Variants in SOX6 observed in about 807,000 individuals in gnomAD.
SOX6 encodes transcription factor SOX-6.
Under a neutral mutation model 97.8 loss-of-function variants are expected in SOX6, and 11 were observed. That is an observed-to-expected ratio of 0.11 (90% confidence interval 0.07 to 0.19). The LOEUF (loss-of-function observed/expected upper bound fraction) is 0.19, where lower values mean the gene tolerates loss of function less well. SOX6 is among the 10% of genes least tolerant of loss of function. The pLI, the probability that SOX6 is intolerant of heterozygous loss-of-function variation, is 1.00. For missense variants in SOX6, 810 were observed against 1,039.5 expected (o/e 0.78, Z 3.04); for synonymous variants, 360 against 371.4 (o/e 0.97, Z 0.35).
intron 4 of SOX6, among the ~76,000 whole-genome samples, chr11:16,216,116 A>G (rs1180566427): frequency 1.3e-5 from 2 of 152,166 alleles, no homozygotes; most frequent in East Asian, 1.9e-4. Context: ...TGCCCATCTC[A>G]TGGCACTGGT....
At chr11:16,365,209 G>A (rs12278205) in intron 1 of SOX6, among the ~76,000 whole-genome samples, 2,355 of 151,866 alleles carry the variant, frequency 0.016, 52 homozygotes, top group African/African-American at 0.054. Flanking sequence ...GTACGGATAG[G>A]GTTCAGTACT....
intron 13 of SOX6, among the ~76,000 whole-genome samples, chr11:16,000,264 A>G (rs1319607214): frequency 2.0e-5 from 3 of 152,218 alleles, no homozygotes; most frequent in Non-Finnish European, 4.4e-5. Flanking sequence ...TCCATGGCGG[A>G]GCAAGAGCCT....
intron 1 of SOX6, among the ~76,000 whole-genome samples, chr11:16,431,029 AG>A (rs1217700472): frequency 6.6e-6 from 1 of 152,108 alleles, no homozygotes; most frequent in Non-Finnish European, 1.5e-5. Context: ...AAGTTCATCA[AG>A]TTCACTCCTC....
intron 3 of SOX6, among the ~76,000 whole-genome samples, chr11:16,616,467 A>G (rs1217326873): frequency 6.6e-6 from 1 of 152,042 alleles, no homozygotes; most frequent in Non-Finnish European, 1.5e-5. Flanking sequence ...TTCTAAATAC[A>G]GGATTTCTTT....
At chr11:16,481,721 T>G (rs1222626530) in intron 4 of SOX6, among the ~76,000 whole-genome samples, 1 of 152,208 alleles carries the variant, frequency 6.6e-6, no homozygotes, top group Non-Finnish European at 1.5e-5. Flanking sequence ...GTGGTTGGAA[T>G]GAACTTGGAG....
chr11:16,498,024 C>T (rs1291486652), intron 4 of SOX6, among the ~76,000 whole-genome samples: 16 of 152,182 alleles, frequency 1.1e-4, no homozygotes. Flanking sequence ...GTCAGATTCA[C>T]CAAAGTTGAA....
chr11:16,080,623 T>C (rs186616231), intron 9 of SOX6, among the ~76,000 whole-genome samples: 5 of 152,358 alleles, frequency 3.3e-5, no homozygotes, highest in Admixed American at 3.3e-4. Flanking sequence ...TTATTTAATT[T>C]AGCAAAAATA....
At chr11:16,522,779 A>G (rs1861089398) in intron 4 of SOX6, among the ~76,000 whole-genome samples, 1 of 152,168 alleles carries the variant, frequency 6.6e-6, no homozygotes, top group South Asian at 2.1e-4. Context: ...TAAAAGGATG[A>G]AGGAAGATCT....
Position 16,198,025 on chromosome 11 carries a change from CTGTTGTTGT to C in SOX6, c.536-11079_536-11071del, listed in dbSNP as rs66685848. ...TTAGAAAAGCTTAATTCAAGATTTC[CTGTTGTTGT>C]TGTTGTTGTTGTTGTTGTTGTTGTT... On this transcript the variant is annotated intron_variant, in intron 4 of 15. Coordinates refer to ENST00000683767, the MANE Select transcript of SOX6 (RefSeq NM_001367873.1). Among the ~76,000 whole-genome samples, 198 of 149,956 alleles carry C rather than the reference CTGTTGTTGT, an allele frequency of 1.3e-3. 1 individual carries two copies. The highest frequency in any genetic ancestry group is 1.8e-3 in the African/African-American group (74 of 40,792).
intron 1 of SOX6, among the ~76,000 whole-genome samples, chr11:16,439,145 A>G (rs1859449253): frequency 6.6e-6 from 1 of 152,190 alleles, no homozygotes; most frequent in South Asian, 2.1e-4. Flanking sequence ...TGGCCAACAG[A>G]AAAACTATGG....
intron 3 of SOX6, among the ~76,000 whole-genome samples, chr11:16,708,758 G>A (rs977725600): frequency 6.6e-6 from 1 of 152,068 alleles, no homozygotes; most frequent in Admixed American, 6.5e-5. Context: ...GACTTATACC[G>A]GATAGCAACT....
chr11:16,645,440 G>C (rs1848999181), intron 3 of SOX6, among the ~76,000 whole-genome samples: 1 of 152,068 alleles, frequency 6.6e-6, no homozygotes, highest in African/African-American at 2.4e-5. Context: ...TAGTGTTATG[G>C]GTTGAATTGT....
chr11:16,322,185 C>T (rs1855947318), intron 2 of SOX6, among the ~76,000 whole-genome samples: 1 of 152,104 alleles, frequency 6.6e-6, no homozygotes, highest in Non-Finnish European at 1.5e-5. Context: ...ATTTGTGTCC[C>T]TGCCCAAATC....
At chr11:16,105,190 T>G (rs1457795339) in intron 7 of SOX6, among the ~76,000 whole-genome samples, 1 of 151,938 alleles carries the variant, frequency 6.6e-6, no homozygotes, top group Non-Finnish European at 1.5e-5. Flanking sequence ...AAAGAATTAC[T>G]TACCAGGGCA....
chr11:16,207,890 G>A (rs1464890759), intron 4 of SOX6, among the ~76,000 whole-genome samples: 1 of 152,054 alleles, frequency 6.6e-6, no homozygotes, highest in Non-Finnish European at 1.5e-5. Context: ...AGAGACAAAG[G>A]AATGAGAAAA....
Position 16,450,081 on chromosome 11 carries a change from C to G in SOX6, c.-5+26234G>C, listed in dbSNP as rs149307479. 4.6e-3 allele frequency among the ~76,000 whole-genome samples: 695 copies of G among 152,242 alleles called. 5 individuals carry two copies. The highest frequency in any genetic ancestry group is 0.016 in the African/African-American group (672 of 41,524). On this transcript the variant is annotated intron_variant, in intron 1 of 15. Coordinates refer to the SOX6 transcript ENST00000396356. ...GACAGCTAACTTATAACTTTCAGAACCTTACTTATTAGTAAGTTGGAAACT... is the reference window on the plus strand; with the variant it reads ...GACAGCTAACTTATAACTTTCAGAAGCTTACTTATTAGTAAGTTGGAAACT...
intron 3 of SOX6, among the ~76,000 whole-genome samples, chr11:16,291,357 A>G (rs1854910259): frequency 6.7e-6 from 1 of 150,022 alleles, no homozygotes; most frequent in Non-Finnish European, 1.5e-5. Flanking sequence ...GCTCAATATA[A>G]TGAATGAATA....
chr11:16,091,022 G>C (rs559077762), intron 9 of SOX6, among the ~76,000 whole-genome samples: 1 of 152,122 alleles, frequency 6.6e-6, no homozygotes, highest in Admixed American at 6.6e-5. Flanking sequence ...GAGGTATTTT[G>C]TAACAGTGCA....
chr11:16,409,989 G>A (rs1323143813), intron 1 of SOX6, among the ~76,000 whole-genome samples: 2 of 152,164 alleles, frequency 1.3e-5, no homozygotes, highest in African/African-American at 4.8e-5. Flanking sequence ...GAGAGCAGTA[G>A]GTGGTTACCA....
Sources: allele counts gnomAD v4.1 joint callset (sites outside exome capture counted in the v4.1 genomes callset), GRCh38; gene constraint gnomAD v4.1.1; transcripts MANE v1.5; gene names NCBI Gene and HGNC (gene_info 2026-07-23, HGNC 2026-07-21).